Variants in ANKDD1A observed in about 807,000 individuals in gnomAD.
The protein encoded by ANKDD1A is ankyrin repeat and death domain containing 1A.
A neutral mutation model predicts 63.5 loss-of-function variants in ANKDD1A; 59 were observed. The observed-to-expected ratio is 0.93, with a 90% CI of 0.75 to 1.15. The LOEUF (loss-of-function observed/expected upper bound fraction) is 1.15, where lower values mean the gene tolerates loss of function less well. ANKDD1A is among the 50% of genes most tolerant of loss of function. The probability of loss-of-function intolerance (pLI) is 0.00; values close to 1 mark genes in which losing one functional copy is unlikely to be tolerated. For missense variants in ANKDD1A, 632 were observed against 656.4 expected, an observed-to-expected ratio of 0.96 and a Z score of 0.41; for synonymous variants, 266 against 263.9, an observed-to-expected ratio of 1.01 and a Z score of -0.08.
chr15:64,942,632 TG>T (rs1161191316), intron 10 of ANKDD1A, 67 bp downstream of exon 10: 2 of 1,349,896 alleles, frequency 1.5e-6, no homozygotes, highest in East Asian at 5.1e-5. Flanking sequence ...CTGGCAGGCT[TG>T]GCTGTGGTCT....
intron 14 of ANKDD1A, among the ~76,000 whole-genome samples, chr15:64,952,676 T>C (rs2085316863): frequency 6.7e-6 from 1 of 149,984 alleles, no homozygotes; most frequent in African/African-American, 2.5e-5. Flanking sequence ...TCTTCCTTCT[T>C]CTTCTTCCTC....
Position 64,920,775 on chromosome 15 carries a change from T to C in ANKDD1A, c.268-1146T>C, listed in dbSNP as rs151291619. On this transcript the variant is annotated intron_variant, in intron 3 of 14. Transcript: ENST00000319580. The stretch of plus-strand genomic sequence containing the variant: ...ATTGCCCAGGCTGGTCTTGAACTCC[T>C]GGGCTCAAGCGATCCTCCCACCTTG... 6.8e-3 allele frequency among the ~76,000 whole-genome samples: 1,034 copies of C among 152,226 alleles called. 7 individuals are homozygous for C. The highest frequency in any genetic ancestry group is 0.012 in the Non-Finnish European group (795 of 67,996).
At chr15:64,933,187 C>T (rs774524650) in intron 8 of ANKDD1A, among the ~76,000 whole-genome samples, 2 of 152,282 alleles carry the variant, frequency 1.3e-5, no homozygotes, top group Non-Finnish European at 2.9e-5. Context: ...GAGTCCCACA[C>T]ACCCCAGGTA....
chr15:64,954,321 AGT>A (rs1566918614), intron 14 of ANKDD1A, among the ~76,000 whole-genome samples: 2,562 of 21,390 alleles, frequency 0.12, 37 homozygotes, highest in Non-Finnish European at 0.22. Context: ...CTTCCTTCTT[AGT>A]TCTTCCTTCT....
At chr15:64,913,597 C>T (rs2084948177) in intron 1 of ANKDD1A, among the ~76,000 whole-genome samples, 1 of 152,100 alleles carries the variant, frequency 6.6e-6, no homozygotes, top group African/African-American at 2.4e-5. Context: ...GTGTGATTGC[C>T]CCCCAGGGTA....
intron 14 of ANKDD1A, chr15:64,951,041 G>A (rs1003957187): frequency 7.2e-6 from 9 of 1,248,376 alleles, no homozygotes; most frequent in East Asian, 6.2e-5. Flanking sequence ...CTTCAGGCAC[G>A]TGGGACCTCA....
chr15:64,925,603 G>A (rs1335154011), intron 4 of ANKDD1A, among the ~76,000 whole-genome samples: 1 of 152,172 alleles, frequency 6.6e-6, no homozygotes, highest in African/African-American at 2.4e-5. Flanking sequence ...ATTAGCAGCT[G>A]TATCAAGGAA....
intron 3 of ANKDD1A, among the ~76,000 whole-genome samples, chr15:64,920,214 C>G (rs1338498813): frequency 6.6e-6 from 1 of 152,120 alleles, no homozygotes; most frequent in East Asian, 1.9e-4. Flanking sequence ...CCTGGGGTTG[C>G]TCTTCACAGA....
chr15:64,948,184 T>C (rs1267458515), intron 13 of ANKDD1A, among the ~76,000 whole-genome samples: 6 of 152,228 alleles, frequency 3.9e-5, no homozygotes. Flanking sequence ...AGAGATTCCA[T>C]TTACAATGGT....
chr15:64,931,564 C>A lies in ANKDD1A; in HGVS notation c.747C>A (p.Ser249Arg), dbSNP rs1463422288. 1.2e-6 allele frequency: 2 copies of A among 1,614,008 alleles called. No individual in the cohort carries two copies. The highest frequency in any genetic ancestry group is 1.7e-6 in the Non-Finnish European group (2 of 1,180,024). ...TGCAGCTCCTCCTCAGGGCTGGGAG[C>A]ACCGTGAATGCCCTCACCCAGGTAG... ...DCVQLLLRAG[S>R]TVNALTQKNL... Residue 249 changes from serine to arginine, a missense_variant, in exon 8 of 15, where the codon AGC becomes AGA. Physicochemically the swap from Ser to Arg is moderately radical, Grantham distance 110 (BLOSUM62 -1). Coordinates refer to ENST00000319580, the MANE Select transcript of ANKDD1A (RefSeq NM_182703.6).
chr15:64,951,557 T>TCTTTTCTG (rs1555397401), intron 14 of ANKDD1A: 1 of 10,438 alleles, frequency 9.6e-5, no homozygotes, highest in Non-Finnish European at 7.3e-4. Flanking sequence ...TTCTCTTCTT[T>TCTTTTCTG]CTTTTTCTTT....
chr15:64,937,036 G>C (rs1206741570), intron 9 of ANKDD1A, among the ~76,000 whole-genome samples: 1 of 152,046 alleles, frequency 6.6e-6, no homozygotes, highest in Non-Finnish European at 1.5e-5. Flanking sequence ...AAATCCAAAA[G>C]TTTTGCCAAG....
At chr15:64,926,837 G>T in intron 5 of ANKDD1A, 64 bp from the exon 6 acceptor site, 1 of 1,567,016 alleles carries the variant, frequency 6.4e-7, no homozygotes, top group Non-Finnish European at 8.8e-7. Flanking sequence ...AGGCCAGGTG[G>T]GCAGAGGCAG....
At chr15:64,919,829 C>A in intron 3 of ANKDD1A, 1 of 152,688 alleles carries the variant, frequency 6.5e-6, no homozygotes. Context: ...GCCCTTGGTC[C>A]TCTCCTTGCC....
chr15:64,932,330 G>T (rs1392749084), intron 8 of ANKDD1A: 1 of 152,202 alleles, frequency 6.6e-6, no homozygotes, highest in African/African-American at 2.4e-5. Context: ...AGGGTCACAA[G>T]CTAGTACGAG....
At chr15:64,948,693 G>T (rs72739223) in intron 13 of ANKDD1A, among the ~76,000 whole-genome samples, 1 of 151,908 alleles carries the variant, frequency 6.6e-6, no homozygotes, top group Non-Finnish European at 1.5e-5. Context: ...GGGCATGATG[G>T]TCGGGTCCTG....
chr15:64,952,630 T>TTTTTCTTCTTCTCC (rs2085314973), intron 14 of ANKDD1A, among the ~76,000 whole-genome samples: 1 of 122,548 alleles, frequency 8.2e-6, no homozygotes, highest in South Asian at 2.8e-4. Context: ...TTCTTCGTCT[T>TTTTTCTTCTTCTCC]TTCTTTCTTC....
At chr15:64,928,508 C>T (rs2085064373) in intron 6 of ANKDD1A, among the ~76,000 whole-genome samples, 1 of 152,076 alleles carries the variant, frequency 6.6e-6, no homozygotes, top group Non-Finnish European at 1.5e-5. Context: ...ATTGCATACC[C>T]CTGTTAAGTT....
At chr15:64,940,493 C>T (rs1039196963) in intron 9 of ANKDD1A, among the ~76,000 whole-genome samples, 1 of 151,036 alleles carries the variant, frequency 6.6e-6, no homozygotes, top group Admixed American at 6.6e-5. Context: ...AGTGCAGTGG[C>T]GTGATCTTGG....
Sources: gnomAD v4.1 joint callset for allele counts (sites outside exome capture counted in the v4.1 genomes callset) on GRCh38, gnomAD v4.1.1 for gene constraint, MANE v1.5 for transcripts, NCBI Gene and HGNC (gene_info 2026-07-23, HGNC 2026-07-21) for gene names.